The following KCNH7 variants were observed in gnomAD, a reference collection of about 807,000 sequenced individuals.
KCNH7 encodes the protein potassium voltage-gated channel subfamily H member 7.
Under a neutral mutation model 120.8 loss-of-function variants are expected in KCNH7, and 49 were observed. The observed-to-expected ratio is 0.41, with a 90% confidence interval of 0.32 to 0.51. KCNH7 has a LOEUF of 0.51. Among genes scored for constraint, KCNH7 ranks in the 20% least tolerant of loss-of-function variants. KCNH7 has a pLI of 0.38. For missense variants in KCNH7, 1,097 were observed against 1,446.6 expected, an observed-to-expected ratio of 0.76 and a Z score of 3.92; for synonymous variants, 547 against 516.1, an observed-to-expected ratio of 1.06 and a Z score of -0.81.
At chr2:162,382,848 C>T (rs1364053313) in intron 13 of KCNH7, among the ~76,000 whole-genome samples, 4 of 151,892 alleles carry the variant, frequency 2.6e-5, no homozygotes, top group African/African-American at 9.7e-5. Context: ...TATTAATTAG[C>T]CAGGCTAACC....
At chr2:162,677,973 G>A (rs1488276742) in intron 2 of KCNH7, among the ~76,000 whole-genome samples, 2 of 150,888 alleles carry the variant, frequency 1.3e-5, no homozygotes, top group African/African-American at 4.9e-5. Flanking sequence ...TTTTTCTATT[G>A]GATTGTTATC....
chr2:162,766,401 T>C (rs1416480501), intron 2 of KCNH7, among the ~76,000 whole-genome samples: 3 of 152,132 alleles, frequency 2.0e-5, no homozygotes, highest in Non-Finnish European at 4.4e-5. Context: ...GAAAAGAAGG[T>C]CTAAAACATG....
intron 2 of KCNH7, among the ~76,000 whole-genome samples, chr2:162,594,797 G>A (rs1490552482): frequency 2.0e-5 from 3 of 152,080 alleles, no homozygotes; most frequent in Non-Finnish European, 2.9e-5. Flanking sequence ...TAGGTTATAT[G>A]CAGATGTTAC....
At chr2:162,522,863 A>G (rs1304577543) in intron 3 of KCNH7, among the ~76,000 whole-genome samples, 3 of 151,860 alleles carry the variant, frequency 2.0e-5, no homozygotes, top group African/African-American at 7.2e-5. Flanking sequence ...AGTAGTTATA[A>G]TTAACTACTA....
At chr2:162,623,917 A>T (rs1683452958) in intron 2 of KCNH7, among the ~76,000 whole-genome samples, 1 of 152,132 alleles carries the variant, frequency 6.6e-6, no homozygotes, top group African/African-American at 2.4e-5. Flanking sequence ...AGTTAACCGC[A>T]CTCTGAAAAT....
intron 2 of KCNH7, among the ~76,000 whole-genome samples, chr2:162,776,885 T>C (rs1683260886): frequency 6.6e-6 from 1 of 152,186 alleles, no homozygotes; most frequent in Admixed American, 6.5e-5. Context: ...TGGGTAGAGA[T>C]TGGTCATGAG....
intron 2 of KCNH7, among the ~76,000 whole-genome samples, chr2:162,687,531 C>A (rs747155676): frequency 3.3e-5 from 5 of 152,032 alleles, no homozygotes; most frequent in Non-Finnish European, 4.4e-5. Flanking sequence ...GGAAATATGG[C>A]CTGTGACTAT....
At position 162,435,499 on chromosome 2, in the gene KCNH7, A is replaced by C; in HGVS notation, c.1653T>G (p.Val551=). 1 of 1,613,774 alleles carries C rather than the reference A, an allele frequency of 6.2e-7. No individual in the cohort carries two copies. The highest frequency in any genetic ancestry group is 8.5e-7 in the Non-Finnish European group (1 of 1,179,832). The change falls in exon 8 of 16, where the codon GTT becomes GTG. Residue 551 remains valine (V), a synonymous_variant. Transcript: ENST00000332142. ...CAAAGATGCACATTAAGAGCATTAG[A>C]ACAGCAGCGCCATATTCTGAATATC... ...LDRYSEYGAA[V]LMLLMCIFAL...
At chr2:162,791,372 G>A (rs573482635) in intron 2 of KCNH7, among the ~76,000 whole-genome samples, 169 of 151,952 alleles carry the variant, frequency 1.1e-3, no homozygotes, top group South Asian at 2.1e-3. Context: ...AATTGCTTTG[G>A]GCAGTATGGC....
chr2:162,464,376 A>T (rs1259651553), intron 6 of KCNH7, among the ~76,000 whole-genome samples: 1 of 151,978 alleles, frequency 6.6e-6, no homozygotes. Context: ...AGGACTTTTT[A>T]TGTCTATCCA....
chr2:162,568,975 T>A (rs534914719), intron 2 of KCNH7, among the ~76,000 whole-genome samples: 2 of 152,266 alleles, frequency 1.3e-5, no homozygotes, highest in East Asian at 3.9e-4. Flanking sequence ...TATTGGGATA[T>A]TGGTCTAAAA....
chr2:162,585,275 T>C (rs899825440), intron 2 of KCNH7, among the ~76,000 whole-genome samples: 24 of 152,100 alleles, frequency 1.6e-4, no homozygotes, highest in African/African-American at 5.8e-4. Context: ...TTTGCATTTT[T>C]TGTGTGCTTA....
At chr2:162,565,986 T>C (rs543290999) in intron 2 of KCNH7, among the ~76,000 whole-genome samples, 2 of 152,242 alleles carry the variant, frequency 1.3e-5, no homozygotes, top group Admixed American at 1.3e-4. Context: ...GTATGCTAAA[T>C]ACTTAATAAA....
At chr2:162,462,735 G>C (rs1689186267) in intron 6 of KCNH7, among the ~76,000 whole-genome samples, 1 of 151,978 alleles carries the variant, frequency 6.6e-6, no homozygotes, top group African/African-American at 2.4e-5. Flanking sequence ...TATTTGCAAG[G>C]TGTATGGTCT....
At chr2:162,665,483 T>C (rs979935961) in intron 2 of KCNH7, among the ~76,000 whole-genome samples, 1 of 152,156 alleles carries the variant, frequency 6.6e-6, no homozygotes, top group Non-Finnish European at 1.5e-5. Flanking sequence ...TGAAAAGTTA[T>C]GTTTGGCACC....
rs149084225 is a variant in KCNH7 at position 162,581,138 on chromosome 2, A to G, written c.308-44058T>C. ...AGGCTTCACGCAACTGAAATTTGATAGATCCCTGGATATCTCCCTGATTTC... is the reference window on the plus strand; with the variant it reads ...AGGCTTCACGCAACTGAAATTTGATGGATCCCTGGATATCTCCCTGATTTC... On this transcript the variant is annotated intron_variant, in intron 2 of 15. Transcript: ENST00000332142. 1.2e-3 allele frequency among the ~76,000 whole-genome samples: 184 copies of G among 152,162 alleles called. 1 individual carries two copies. The highest frequency in any genetic ancestry group is 4.1e-3 in the African/African-American group (170 of 41,548).
intron 3 of KCNH7, among the ~76,000 whole-genome samples, chr2:162,532,410 A>G (rs187769302): frequency 2.1e-4 from 32 of 151,938 alleles, no homozygotes; most frequent in Non-Finnish European, 2.9e-5. Context: ...AAAAGTGCAC[A>G]AGACCCCAGA....
chr2:162,728,660 C>A (rs1257894516), intron 2 of KCNH7, among the ~76,000 whole-genome samples: 1 of 152,076 alleles, frequency 6.6e-6, no homozygotes, highest in Non-Finnish European at 1.5e-5. Flanking sequence ...CGCCTGTAAT[C>A]CTAGCTACTT....
intron 2 of KCNH7, among the ~76,000 whole-genome samples, chr2:162,818,875 A>G (rs948999663): frequency 1.3e-5 from 2 of 152,194 alleles, no homozygotes; most frequent in African/African-American, 4.8e-5. Context: ...CCCACCAATT[A>G]TGGGGCAAAC....
Sources: allele counts gnomAD v4.1 joint callset (sites outside exome capture counted in the v4.1 genomes callset), GRCh38; gene constraint gnomAD v4.1.1; transcripts MANE v1.5; gene names NCBI Gene and HGNC (gene_info 2026-07-23, HGNC 2026-07-21).